Variants in ADNP observed in about 807,000 individuals in gnomAD.
ADNP encodes activity-dependent neuroprotector homeobox protein.
Under a neutral mutation model 84.9 loss-of-function variants are expected in ADNP, and 4 were observed. The observed-to-expected ratio is 0.05, with a 90% CI of 0.02 to 0.11. The LOEUF (loss-of-function observed/expected upper bound fraction) is 0.11. ADNP is among the 10% of genes least tolerant of loss of function. The pLI, the probability that ADNP is intolerant of heterozygous loss-of-function variation, is 1.00. For missense variants in ADNP, 1,132 were observed against 1,326.0 expected, an observed-to-expected ratio of 0.85 and a Z score of 2.27; for synonymous variants, 554 against 468.1, an observed-to-expected ratio of 1.18 and a Z score of -2.37.
In ADNP at chr20:50,892,872, G is replaced by A; in HGVS notation, c.1842C>T (p.Pro614=). The A allele has an allele frequency of 1.2e-6, 2 of 1,614,194 alleles. No homozygotes were observed. Among genetic ancestry groups the A allele is most frequent in the Non-Finnish European group, 8.5e-7 (1 of 1,180,036 alleles). ...GGGTTTTCCCAACATCTTTTTTATA[G>A]GGCACTGCAGCTTGAGGTGAACTTT... ...PVKSSPQAAV[P]YKKDVGKTLC... is the part of the protein sequence containing the mutation. The change falls in exon 6 of 6, where the codon CCC becomes CCT. Residue 614 remains proline (P), a synonymous_variant. Transcript: ENST00000621696.
At chr20:50,922,521 C>T (rs2870025) in intron 2 of ADNP, among the ~76,000 whole-genome samples, 13,689 of 151,050 alleles carry the variant, frequency 0.091, 684 homozygotes, top group Middle Eastern at 0.14. Flanking sequence ...TCTCTGGGGG[C>T]GCCACCCTCC....
chr20:50,917,760 G>A (rs983349333), intron 2 of ADNP, among the ~76,000 whole-genome samples: 4 of 152,064 alleles, frequency 2.6e-5, no homozygotes, highest in African/African-American at 7.2e-5. Context: ...ATAAACTCGT[G>A]TATCAATATT....
chr20:50,895,866 C>T (rs6020830), intron 5 of ADNP, among the ~76,000 whole-genome samples: 1,931 of 152,296 alleles, frequency 0.013, 38 homozygotes, highest in African/African-American at 0.044. Context: ...CCTCAGCTTG[C>T]TGTGGTTTAT....
chr20:50,929,905 CAAG>C (rs1438712686), intron 1 of ADNP, among the ~76,000 whole-genome samples: 1 of 151,936 alleles, frequency 6.6e-6, no homozygotes, highest in Admixed American at 6.6e-5. Context: ...CTGGTAAATT[CAAG>C]AAGATTAAGA....
At chr20:50,909,247 C>T (rs1982791631) in intron 2 of ADNP, among the ~76,000 whole-genome samples, 1 of 150,938 alleles carries the variant, frequency 6.6e-6, no homozygotes, top group Non-Finnish European at 1.5e-5. Context: ...GTCTGTAATC[C>T]TACTACTAGG....
In ADNP at chr20:50,928,653, G is replaced by A. The variant is rs1033833814; in HGVS notation, c.-92C>T. ...CCCTCCAAAATGAATATACCCACCG[G>A]TGTGAATTGACAATGTGGTCCAAAG... is the stretch of plus-strand genomic sequence containing the variant. On this transcript the variant is annotated splice_region_variant and 5_prime_UTR_variant, in exon 2 of 6. Coordinates refer to ENST00000621696, the MANE Select transcript of ADNP (RefSeq NM_001282531.3). The A allele has an allele frequency of 2.0e-5, 3 of 152,188 alleles. No individual in the cohort carries two copies. The highest frequency in any genetic ancestry group is 4.4e-5 in the Non-Finnish European group (3 of 68,048). The allele number at this position is 152,188 out of a possible 1,614,324, so 9.4% of individuals were successfully genotyped here.
In ADNP at chr20:50,892,065, T is replaced by C. The variant is rs773988941; in HGVS notation, c.2649A>G (p.Glu883=). Residue 883 remains glutamate, a synonymous_variant, in exon 6 of 6, where the codon GAA becomes GAG. Coordinates refer to ENST00000621696, the MANE Select transcript of ADNP (RefSeq NM_001282531.3). ...DSSSDSFENL[E]EESNESGSPF... ...GGCTACCACTTTCATTGGATTCTTCTTCCAAATTTTCAAAACTGTCTGAGG... is the reference window on the plus strand; with the variant it reads ...GGCTACCACTTTCATTGGATTCTTCCTCCAAATTTTCAAAACTGTCTGAGG... 7 of 1,614,178 alleles carry C rather than the reference T, an allele frequency of 4.3e-6. No homozygotes were observed. Among genetic ancestry groups the C allele is most frequent in the Middle Eastern group, 1.6e-4 (1 of 6,062 alleles).
intron 2 of ADNP, among the ~76,000 whole-genome samples, chr20:50,927,276 G>C (rs1034832739): frequency 1.3e-5 from 2 of 152,136 alleles, no homozygotes; most frequent in African/African-American, 4.8e-5. Context: ...AAGGTTGGAA[G>C]GGCCAAGGGT....
At position 50,892,171 on chromosome 20, in the gene ADNP, T is replaced by C. The variant is rs1980841686; in HGVS notation, c.2543A>G (p.Asn848Ser). ...GACTCTGGAATCCTTCTCATCATGA[T>C]TTTCAAATAGCCACTCAGCATCAAA... is the stretch of plus-strand genomic sequence containing the variant. ...MDFDAEWLFE[N>S]HDEKDSRVNA... Residue 848 changes from asparagine to serine, a missense_variant, in exon 6 of 6, where the codon AAT (asparagine) becomes AGT (serine). Asn to Ser is a conservative substitution (Grantham distance 46). Coordinates refer to ENST00000621696, the MANE Select transcript of ADNP (RefSeq NM_001282531.3). The C allele has an allele frequency of 1.2e-6, 2 of 1,614,184 alleles. No homozygotes were observed. The highest frequency in any genetic ancestry group is 1.7e-6 in the Non-Finnish European group (2 of 1,180,034).
At chr20:50,897,130 G>A (rs926787749) in intron 5 of ADNP, among the ~76,000 whole-genome samples, 5 of 152,034 alleles carry the variant, frequency 3.3e-5, no homozygotes, top group East Asian at 1.9e-4. Flanking sequence ...TAGTAGAGAC[G>A]GGGTTTCACC....
At chr20:50,913,789 A>G (rs1983276143) in intron 2 of ADNP, 1 of 473,898 alleles carries the variant, frequency 2.1e-6, no homozygotes, top group South Asian at 2.2e-5. Flanking sequence ...AAGCTGGAGG[A>G]GGTGAAGGAG....
rs1983289768 is a variant in ADNP at position 50,913,905 on chromosome 20, C to T, written c.-89-9056G>A. On this transcript the variant is annotated intron_variant, in intron 2 of 5. Transcript: ENST00000621696. Reference sequence around the variant, plus strand: ...TACATAAATTATTGAATTTTTGTTTCAACTTGGAGTGCCAGTGAATGATAA... The same window carrying T: ...TACATAAATTATTGAATTTTTGTTTTAACTTGGAGTGCCAGTGAATGATAA... The T allele has an allele frequency of 6.3e-6, 4 of 638,352 alleles. No homozygotes were observed. The East Asian group carries it at 1.2e-4, about 19-fold the overall frequency. The allele number at this position is 638,352 out of a possible 1,614,324, so 39.5% of individuals were successfully genotyped here.
rs570255602 is a variant in ADNP at position 50,889,958 on chromosome 20, C to T, written c.*1447G>A. On this transcript the variant is annotated 3_prime_UTR_variant, in exon 6 of 6. Coordinates refer to ENST00000621696, the MANE Select transcript of ADNP (RefSeq NM_001282531.3). ...GGTGAAAACGAACGTTTAACTTCATCTAGAAGAAAAAACAAACAAAAAACC... is the reference window on the plus strand; with the variant it reads ...GGTGAAAACGAACGTTTAACTTCATTTAGAAGAAAAAACAAACAAAAAACC... 1 of 357,060 alleles carries T rather than the reference C, an allele frequency of 2.8e-6. No homozygotes were observed. Among genetic ancestry groups the T allele is most frequent in the South Asian group, 1.4e-4 (1 of 7,294 alleles). 22.1% of individuals were successfully genotyped at this position (357,060 alleles called of 1,614,324 possible). A position where few individuals can be genotyped will look rare whatever the true frequency, so the allele number is the denominator to read the frequency against.
chr20:50,930,344 TCCCCGCCCCCCCCAA>T (rs1400182617), intron 1 of ADNP, among the ~76,000 whole-genome samples: 1 of 150,478 alleles, frequency 6.6e-6, no homozygotes, highest in Admixed American at 6.6e-5. Flanking sequence ...CCATGCATGC[TCCCCGCCCCCCCCAA>T]CCCCGTCCCC....
rs1335659526 is a variant in ADNP, at chr20:50,889,708, ATT to A, written c.*1695_*1696del. ...TCCTCATGGATTGGAGTTTCCCATCATTGTTTTAATTGCTGGAAATGTTGGCC... is the reference window on the plus strand; with the variant it reads ...TCCTCATGGATTGGAGTTTCCCATCAGTTTTAATTGCTGGAAATGTTGGCC... On this transcript the variant is annotated 3_prime_UTR_variant, in exon 6 of 6. Transcript: ENST00000621696. 2.5e-6 allele frequency: 1 copy of A among 392,628 alleles called. No homozygotes were observed. The highest frequency in any genetic ancestry group is 4.4e-5 in the Admixed American group (1 of 22,550). 24.3% of individuals were successfully genotyped at this position (392,628 alleles called of 1,614,324 possible). A position where few individuals can be genotyped will look rare whatever the true frequency, so the allele number is the denominator to read the frequency against.
At chr20:50,903,788 A>G in intron 4 of ADNP, 101 bp downstream of exon 4, 1 of 842,600 alleles carries the variant, frequency 1.2e-6, no homozygotes, top group Non-Finnish European at 1.9e-6. Flanking sequence ...TGTGGCTGAA[A>G]TTCAGAATCA....
chr20:50,899,655 C>T (rs1022968001), intron 5 of ADNP, among the ~76,000 whole-genome samples: 3 of 151,954 alleles, frequency 2.0e-5, no homozygotes, highest in South Asian at 2.1e-4. Flanking sequence ...TGGCTCCATG[C>T]GTGTTACTGC....
In ADNP at chr20:50,910,473, G is replaced by A. The variant is rs184358649; in HGVS notation, c.-89-5624C>T. On this transcript the variant is annotated intron_variant, in intron 2 of 5. Coordinates refer to ENST00000621696, the MANE Select transcript of ADNP (RefSeq NM_001282531.3). ...GCATGGGTGTGGACCTGTGGTCCTA[G>A]ATATACAGGCGGCTGAGGTGGGAGG... 2.2e-4 allele frequency among the ~76,000 whole-genome samples: 33 copies of A among 152,274 alleles called. No individual in the cohort carries two copies. The South Asian group carries it at 4.1e-3, about 19-fold the overall frequency.
chr20:50,889,771 A>G lies in ADNP; in HGVS notation c.*1634T>C, dbSNP rs147970054. ...TCCTTGTAACTTTCTGCTTTTTAGT[A>G]CAAGTTCTCTTGGGAATCTACGCAT... On this transcript the variant is annotated 3_prime_UTR_variant, in exon 6 of 6. Coordinates refer to ENST00000621696, the MANE Select transcript of ADNP (RefSeq NM_001282531.3). 274 of 397,466 alleles carry G rather than the reference A, an allele frequency of 6.9e-4. 1 individual carries two copies. The highest frequency in any genetic ancestry group is 1.8e-3 in the South Asian group (14 of 7,654). 24.6% of individuals were successfully genotyped at this position (397,466 alleles called of 1,614,324 possible).
Sources: gnomAD v4.1 joint callset for allele counts (sites outside exome capture counted in the v4.1 genomes callset) on GRCh38, gnomAD v4.1.1 for gene constraint, MANE v1.5 for transcripts, NCBI Gene and HGNC (gene_info 2026-07-23, HGNC 2026-07-21) for gene names.